The following RGS17 variants were observed in gnomAD, a reference collection of about 807,000 sequenced individuals.
RGS17 encodes regulator of G protein signaling 17.
RGS17 carries 12 observed loss-of-function variants against 25.5 expected under a neutral mutation model. That is an observed-to-expected ratio of 0.47 (90% CI 0.30 to 0.76). The LOEUF (loss-of-function observed/expected upper bound fraction) is 0.76, where lower values mean the gene tolerates loss of function less well. RGS17 is among the 30% of genes least tolerant of loss of function. The pLI, the probability that RGS17 is intolerant of heterozygous loss-of-function variation, is 0.07. For missense variants in RGS17, 196 were observed against 242.2 expected, an observed-to-expected ratio of 0.81 and a Z score of 1.27; for synonymous variants, 71 against 76.9, an observed-to-expected ratio of 0.92 and a Z score of 0.40.
chr6:153,043,995 T>C lies in RGS17; in HGVS notation c.24A>G (p.Gln8=). The change falls in exon 2 of 5, where the codon CAA becomes CAG. Residue 8 remains glutamine (Q), a synonymous_variant. Coordinates refer to ENST00000206262, the MANE Select transcript of RGS17 (RefSeq NM_012419.5). ...GAGACACGGCAGGTGTTCCTTCATTTTGGGACTGCTGCCTTTTTCGCATTT... is the reference window on the plus strand; with the variant it reads ...GAGACACGGCAGGTGTTCCTTCATTCTGGGACTGCTGCCTTTTTCGCATTT... MRKRQQS[Q]NEGTPAVSQA... 6.2e-7 allele frequency: 1 copy of C among 1,612,292 alleles called. No individual in the cohort carries two copies. Among genetic ancestry groups the C allele is most frequent in the African/African-American group, 1.3e-5 (1 of 74,856 alleles).
chr6:153,059,269 T>C (rs554328846), intron 1 of RGS17, among the ~76,000 whole-genome samples: 1 of 152,354 alleles, frequency 6.6e-6, no homozygotes, highest in South Asian at 2.1e-4. Context: ...GGCTCATGTA[T>C]ATCTATTGGT....
At chr6:153,068,411 C>T (rs1038182192) in intron 1 of RGS17, among the ~76,000 whole-genome samples, 1 of 152,198 alleles carries the variant, frequency 6.6e-6, no homozygotes, top group African/African-American at 2.4e-5. Context: ...CGCGCCACTG[C>T]ACTCCAGCCT....
Position 153,044,046 on chromosome 6 carries a change from G to T in RGS17, c.-25-3C>A. 2.0e-6 allele frequency: 3 copies of T among 1,472,980 alleles called. No homozygotes were observed. Among genetic ancestry groups the T allele is most frequent in the Non-Finnish European group, 2.8e-6 (3 of 1,056,142 alleles). 91.2% of individuals were successfully genotyped at this position (1,472,980 alleles called of 1,614,324 possible). On this transcript the variant is annotated splice_region_variant and splice_polypyrimidine_tract_variant and intron_variant, in intron 1 of 4. Transcript: ENST00000206262. ...CAGCTACTTCAGGACCCAGTTGGCT[G>T]AAAGAGATAAAACAAAAAATTGGGT...
chr6:153,064,345 G>A (rs1234979600), intron 1 of RGS17, among the ~76,000 whole-genome samples: 1 of 152,046 alleles, frequency 6.6e-6, no homozygotes, highest in East Asian at 1.9e-4. Flanking sequence ...AAAGTGGGGG[G>A]ATGGGCAAGG....
In RGS17 at chr6:153,020,109, AAAAT is replaced by A. The variant is rs1338700992; in HGVS notation, c.444+4149_444+4152del. Among the ~76,000 whole-genome samples the A allele has an allele frequency of 3.3e-3, 200 of 60,844 alleles. 3 individuals carry two copies. Among genetic ancestry groups the A allele is most frequent in the African/African-American group, 8.1e-3 (116 of 14,330 alleles). 39.9% of individuals were successfully genotyped at this position (60,844 alleles called of 152,430 possible). A position where few individuals can be genotyped will look rare whatever the true frequency, so the allele number is the denominator to read the frequency against. On this transcript the variant is annotated intron_variant, in intron 4 of 4. Transcript: ENST00000206262. ...CTAATTGCAAATATCTTAAAAAAAAAAAATATATATATATATATATATATATATA... is the reference window on the plus strand; with the variant it reads ...CTAATTGCAAATATCTTAAAAAAAAAATATATATATATATATATATATATA...
chr6:153,128,365 T>C (rs975733602), intron 1 of RGS17, among the ~76,000 whole-genome samples: 1 of 152,160 alleles, frequency 6.6e-6, no homozygotes, highest in Non-Finnish European at 1.5e-5. Context: ...TTGGAGAGTA[T>C]CAGAAACAGG....
intron 4 of RGS17, among the ~76,000 whole-genome samples, chr6:153,021,084 T>G (rs1422792138): frequency 6.6e-6 from 1 of 152,242 alleles, no homozygotes; most frequent in Non-Finnish European, 1.5e-5. Flanking sequence ...GTTGCCATTA[T>G]GCATTTGGTT....
At chr6:153,087,472 C>T (rs1213421587) in intron 1 of RGS17, among the ~76,000 whole-genome samples, 1 of 152,192 alleles carries the variant, frequency 6.6e-6, no homozygotes, top group African/African-American at 2.4e-5. Flanking sequence ...GCTGCAAACA[C>T]ATGCTGCTAT....
intron 4 of RGS17, among the ~76,000 whole-genome samples, chr6:153,023,627 T>C (rs1247516036): frequency 6.6e-6 from 1 of 152,194 alleles, no homozygotes; most frequent in Non-Finnish European, 1.5e-5. Context: ...GCACTTTCAA[T>C]AACAGAAAAC....
At chr6:153,037,177 CACACACACACACACACACACACAG>C (rs989318325) in intron 2 of RGS17, among the ~76,000 whole-genome samples, 2 of 95,776 alleles carry the variant, frequency 2.1e-5, no homozygotes, top group African/African-American at 8.8e-5. Flanking sequence ...TTAAAACACA[CACACACACACACACACACACACAG>C]ACACACACAC....
chr6:153,112,257 C>T (rs529176601), intron 1 of RGS17, among the ~76,000 whole-genome samples: 1 of 152,220 alleles, frequency 6.6e-6, no homozygotes, highest in South Asian at 2.1e-4. Flanking sequence ...TGAAAAACAA[C>T]ATGAGAACAT....
At chr6:153,026,396 G>T in intron 3 of RGS17, 58 bp downstream of exon 3, 1 of 1,257,238 alleles carries the variant, frequency 8.0e-7, no homozygotes, top group Non-Finnish European at 1.2e-6. Flanking sequence ...GAGGCACGCA[G>T]TTGATGTAAA....
Position 153,119,257 on chromosome 6 carries a change from T to C in RGS17, c.-26+11867A>G, listed in dbSNP as rs116800885. ...GGACCTCAGAGTTAGAATGAGGCCT[T>C]GTAGTTCATTCACCCTCCCAGTCAT... is the stretch of plus-strand genomic sequence containing the variant. On this transcript the variant is annotated intron_variant, in intron 1 of 4. Coordinates refer to ENST00000206262, the MANE Select transcript of RGS17 (RefSeq NM_012419.5). 2.9e-3 allele frequency among the ~76,000 whole-genome samples: 446 copies of C among 152,316 alleles called. 4 individuals carry two copies. Among genetic ancestry groups the C allele is most frequent in the African/African-American group, 9.8e-3 (406 of 41,558 alleles).
chr6:153,060,209 T>C (rs1776615288), intron 1 of RGS17, among the ~76,000 whole-genome samples: 3 of 152,176 alleles, frequency 2.0e-5, no homozygotes, highest in African/African-American at 7.2e-5. Context: ...TTGTTGAACT[T>C]CTATTCTGTG....
chr6:153,030,540 G>T (rs1438059389), intron 2 of RGS17, among the ~76,000 whole-genome samples: 1 of 152,136 alleles, frequency 6.6e-6, no homozygotes, highest in African/African-American at 2.4e-5. Flanking sequence ...ACTGGTAAAA[G>T]CAGTCTATTC....
Position 153,011,572 on chromosome 6 carries a change from C to T in RGS17, c.*2G>A. The T allele has an allele frequency of 6.3e-7, 1 of 1,587,386 alleles. No homozygotes were observed. The highest frequency in any genetic ancestry group is 8.6e-7 in the Non-Finnish European group (1 of 1,161,520). On this transcript the variant is annotated 3_prime_UTR_variant, in exon 5 of 5. Transcript: ENST00000206262. ...TCCAAAATGATTGTTTTTAAATGAA[C>T]ATTAAGATTCAGAAGAAGAGCCAGC...
chr6:153,038,030 C>T (rs535998660), intron 2 of RGS17, among the ~76,000 whole-genome samples: 30 of 152,244 alleles, frequency 2.0e-4, no homozygotes, highest in Admixed American at 1.0e-3. Flanking sequence ...CCCAAAGCTC[C>T]GGTACATCCT....
At chr6:153,016,893 AG>A (rs1445506865) in intron 4 of RGS17, among the ~76,000 whole-genome samples, 1 of 152,178 alleles carries the variant, frequency 6.6e-6, no homozygotes, top group Non-Finnish European at 1.5e-5. Flanking sequence ...CCTGGGCCAC[AG>A]TCACCCTAGG....
chr6:153,075,187 AC>A lies in RGS17; in HGVS notation c.-25-31145del, dbSNP rs1233322097. Among the ~76,000 whole-genome samples, 152 of 152,316 alleles carry A rather than the reference AC, an allele frequency of 1.0e-3. 1 individual carries two copies. Among genetic ancestry groups the A allele is most frequent in the African/African-American group, 3.6e-3 (149 of 41,574 alleles). On this transcript the variant is annotated intron_variant, in intron 1 of 4. Transcript: ENST00000206262. ...AAACTTTTGTTTAAACTTTTGTTTAACTGTCCAACATTAATCCTAGCAACTT... is the reference window on the plus strand; with the variant it reads ...AAACTTTTGTTTAAACTTTTGTTTAATGTCCAACATTAATCCTAGCAACTT...
Sources: allele counts gnomAD v4.1 joint callset (sites outside exome capture counted in the v4.1 genomes callset), GRCh38; gene constraint gnomAD v4.1.1; transcripts MANE v1.5; gene names NCBI Gene and HGNC (gene_info 2026-07-23, HGNC 2026-07-21).